The following PNKD variants were observed in gnomAD, a reference collection of about 807,000 sequenced individuals.
PNKD encodes PNKD metallo-beta-lactamase domain containing.
PNKD carries 36 observed loss-of-function variants against 45.3 expected under a neutral mutation model. The ratio of observed to expected loss-of-function variants is 0.80; its 90% CI spans 0.61 to 1.05. The LOEUF is 1.05. Ranked by LOEUF, PNKD falls within the 50% of genes least tolerant of loss-of-function variation. The pLI is 0.00. For missense variants in PNKD, 511 were observed against 506.6 expected, an observed-to-expected ratio of 1.01 and a Z score of -0.08; for synonymous variants, 197 against 210.1, an observed-to-expected ratio of 0.94 and a Z score of 0.54.
chr2:218,272,566 G>A lies in PNKD; in HGVS notation c.236+1017G>A, dbSNP rs376137172. 18 of 1,613,562 alleles carry A rather than the reference G, an allele frequency of 1.1e-5. No individual in the cohort carries two copies. In the South Asian group the frequency reaches 1.2e-4, roughly 11 times the overall value. ...AAACCCCGTGCACATCTCCCCACCCGTAGGGCCATCGGCTTCCCTTGTGGT... is the reference window on the plus strand; with the variant it reads ...AAACCCCGTGCACATCTCCCCACCCATAGGGCCATCGGCTTCCCTTGTGGT... On this transcript the variant is annotated intron_variant, in intron 2 of 9. Transcript: ENST00000273077.
chr2:218,341,569 G>A lies in PNKD; in HGVS notation c.560G>A (p.Arg187Gln), dbSNP rs141506076. 6.5e-4 allele frequency: 1,045 copies of A among 1,602,846 alleles called. 4 individuals carry two copies. The East Asian group carries it at 0.012, about 18-fold the overall frequency. ...GGAGGGAACCGTGACCTCAGCCGGC[G>A]GCACCGGGACTGTCGGGTGTACGGG... ...HSGGNRDLSR[R>Q]HRDCRVYGSP... The change falls in exon 6 of 10, where the codon CGG (arginine) becomes CAG (glutamine). Residue 187 changes from arginine to glutamine, a missense_variant. Coordinates refer to ENST00000273077, the MANE Select transcript of PNKD (RefSeq NM_015488.5).
At chr2:218,333,060 C>T (rs1694376204) in intron 2 of PNKD, among the ~76,000 whole-genome samples, 2 of 152,216 alleles carry the variant, frequency 1.3e-5, no homozygotes, top group South Asian at 4.1e-4. Context: ...CTTCCCTGGG[C>T]ACCCTGTCTA....
At chr2:218,310,389 AT>A (rs1693568412) in intron 2 of PNKD, among the ~76,000 whole-genome samples, 1 of 150,106 alleles carries the variant, frequency 6.7e-6, no homozygotes, top group African/African-American at 2.5e-5. Context: ...TGCCTGGCTA[AT>A]TTTTTTTATT....
Position 218,331,076 on chromosome 2 carries a change from G to A in PNKD, c.237-8707G>A, listed in dbSNP as rs10932775. ...AAGAAACCAGGGGCCATAACATGGG[G>A]CAGTGACATCCTGGGAAGGTGGGAC... On this transcript the variant is annotated intron_variant, in intron 2 of 9. Transcript: ENST00000273077. Among the ~76,000 whole-genome samples the A allele has an allele frequency of 0.46, 70,205 of 152,104 alleles. 16,759 individuals carry two copies. The highest frequency in any genetic ancestry group is 0.63 in the South Asian group (3,027 of 4,830).
At chr2:218,302,749 G>A (rs1024125869) in intron 2 of PNKD, among the ~76,000 whole-genome samples, 2 of 152,160 alleles carry the variant, frequency 1.3e-5, no homozygotes, top group Admixed American at 6.5e-5. Context: ...AGCGACTATG[G>A]CCCTTGACAC....
intron 2 of PNKD, among the ~76,000 whole-genome samples, chr2:218,276,595 G>T (rs1691234914): frequency 1.3e-5 from 2 of 152,102 alleles, no homozygotes; most frequent in African/African-American, 4.8e-5. Context: ...CTTCGGCACT[G>T]TTCTCCCCCA....
intron 2 of PNKD, among the ~76,000 whole-genome samples, chr2:218,301,016 A>G (rs1009132158): frequency 1.3e-5 from 2 of 152,188 alleles, no homozygotes; most frequent in Non-Finnish European, 2.9e-5. Context: ...GTTTTCCAAT[A>G]ACTGAAATAA....
chr2:218,312,117 CA>C (rs1334621538), intron 2 of PNKD, among the ~76,000 whole-genome samples: 1 of 152,232 alleles, frequency 6.6e-6, no homozygotes, highest in Non-Finnish European at 1.5e-5. Flanking sequence ...TACAGGTTAA[CA>C]GCGTCTCAAA....
At chr2:218,303,908 T>C (rs1473067981) in intron 2 of PNKD, among the ~76,000 whole-genome samples, 1 of 151,904 alleles carries the variant, frequency 6.6e-6, no homozygotes, top group Non-Finnish European at 1.5e-5. Context: ...TTGGCTGGTT[T>C]CCGTTTGCTC....
chr2:218,338,209 C>G (rs1694557414), intron 2 of PNKD, among the ~76,000 whole-genome samples: 1 of 151,884 alleles, frequency 6.6e-6, no homozygotes, highest in Non-Finnish European at 1.5e-5. Context: ...ACCTGTAATC[C>G]CAGCACTTTG....
At chr2:218,300,392 A>G (rs1693243593) in intron 2 of PNKD, among the ~76,000 whole-genome samples, 2 of 152,154 alleles carry the variant, frequency 1.3e-5, no homozygotes, top group South Asian at 4.1e-4. Flanking sequence ...TCTCTGAGCA[A>G]GCAATCAGAG....
chr2:218,280,464 G>T, intron 2 of PNKD: 1 of 323,904 alleles, frequency 3.1e-6, no homozygotes, highest in South Asian at 2.7e-5. Context: ...GCCAGCCAGG[G>T]CAGAACAGGG....
chr2:218,280,310 C>T (rs754056277), intron 2 of PNKD: 68 of 561,348 alleles, frequency 1.2e-4, no homozygotes, highest in Non-Finnish European at 2.0e-4. Flanking sequence ...CGGCCTGTCA[C>T]GAGGGGGCTT....
Position 218,340,812 on chromosome 2 carries a change from C to T in PNKD, c.524+26C>T. Reference sequence around the variant, plus strand: ...GTAAGGGGCTCCCGTCTTCCCTGGCCCACCCTTGTCCCAGCTGGGCTTGCC... The same window carrying T: ...GTAAGGGGCTCCCGTCTTCCCTGGCTCACCCTTGTCCCAGCTGGGCTTGCC... On this transcript the variant is annotated intron_variant, in intron 5 of 9. Coordinates refer to ENST00000273077, the MANE Select transcript of PNKD (RefSeq NM_015488.5). This position sits in a 1 kb window ranked among gnomAD's most constrained non-coding sequence, Gnocchi z 4.2. 1.2e-6 allele frequency: 2 copies of T among 1,600,038 alleles called. No individual in the cohort carries two copies. The highest frequency in any genetic ancestry group is 1.1e-5 in the South Asian group (1 of 90,818).
chr2:218,323,317 G>A (rs758955194), intron 2 of PNKD: 30 of 1,565,712 alleles, frequency 1.9e-5, no homozygotes, highest in Non-Finnish European at 9.5e-6. Flanking sequence ...GCCGGCTGCT[G>A]GCTCCTCCTC....
At position 218,344,814 on chromosome 2, in the gene PNKD, T is replaced by C. The variant is rs535942439; in HGVS notation, c.991T>C (p.Ser331Pro). The change falls in exon 10 of 10, where the codon TCT becomes CCT. Residue 331 changes from serine to proline, a missense_variant. Physicochemically the swap from Ser to Pro is moderately conservative, Grantham distance 74. Transcript: ENST00000273077. ...QRLERKGTCP[S>P]TLGEERSYNP... is the part of the protein sequence containing the mutation. ...TGGTTCCTCTCACCCACAGTGCCCA[T>C]CTACCCTGGGAGAGGAGCGCTCCTA... 5.6e-6 allele frequency: 9 copies of C among 1,613,856 alleles called. No individual in the cohort carries two copies. The highest frequency in any genetic ancestry group is 4.5e-5 in the East Asian group (2 of 44,870).
At chr2:218,277,916 G>C in intron 2 of PNKD, 1 of 1,614,062 alleles carries the variant, frequency 6.2e-7, no homozygotes, top group Non-Finnish European at 8.5e-7. Flanking sequence ...ACACCCTCCT[G>C]CCACCCTTCT....
intron 2 of PNKD, among the ~76,000 whole-genome samples, chr2:218,314,882 G>A (rs934437889): frequency 1.3e-5 from 2 of 151,230 alleles, no homozygotes; most frequent in African/African-American, 4.8e-5. Flanking sequence ...CAGAGACTTG[G>A]TTTCACCACT....
In PNKD at chr2:218,342,054, C is replaced by A. The variant is rs781010423; in HGVS notation, c.691C>A (p.Gln231Lys). 2 of 1,612,518 alleles carry A rather than the reference C, an allele frequency of 1.2e-6. No individual in the cohort carries two copies. The highest frequency in any genetic ancestry group is 2.7e-5 in the African/African-American group (2 of 74,912). Residue 231 changes from glutamine to lysine, a missense_variant, in exon 7 of 10, where the codon CAA becomes AAA. Gln to Lys is a moderately conservative substitution (Grantham distance 53). Transcript: ENST00000273077. ...GGCCCTGGCTACACCTGGCCACACA[C>A]AAGGCCATCTGGTCTACCTACTGGA... is the stretch of plus-strand genomic sequence containing the variant. ...IRALATPGHT[Q>K]GHLVYLLDGE...
Sources: gnomAD v4.1 joint callset for allele counts (sites outside exome capture counted in the v4.1 genomes callset) on GRCh38, gnomAD v4.1.1 for gene constraint, Gnocchi (gnomAD v3.1) non-coding constraint, MANE v1.5 for transcripts, NCBI Gene and HGNC (gene_info 2026-07-23, HGNC 2026-07-21) for gene names.